Variants in NGRN observed in about 807,000 individuals in gnomAD.
The protein encoded by NGRN is neugrin, neurite outgrowth associated.
Under a neutral mutation model 13.1 loss-of-function variants are expected in NGRN, and 12 were observed. That is an observed-to-expected ratio of 0.92 (90% CI 0.59 to 1.49). NGRN has a LOEUF of 1.49. Among genes scored for constraint, NGRN ranks in the 40% most tolerant of loss-of-function variants. The pLI is 0.00. For missense variants in NGRN, 397 were observed against 357.0 expected, an observed-to-expected ratio of 1.11 and a Z score of -0.90; for synonymous variants, 149 against 145.8, an observed-to-expected ratio of 1.02 and a Z score of -0.16.
At chr15:90,266,242 A>G in intron 1 of NGRN, 46 bp from the exon 2 acceptor site, 1 of 1,584,602 alleles carries the variant, frequency 6.3e-7, no homozygotes. Context: ...TCAAACATCC[A>G]TTCTGCTTCC....
rs1287320825 is a variant in NGRN at position 90,265,795 on chromosome 15, C to A, written c.83C>A (p.Ala28Glu). The change falls in exon 1 of 3, where the codon GCG becomes GAG. Residue 28 changes from alanine (A) to glutamate (E), a missense_variant. Physicochemically the swap from Ala to Glu is moderately radical, Grantham distance 107. Coordinates refer to ENST00000379095, the MANE Select transcript of NGRN (RefSeq NM_001033088.3). ...TGTGGGTTCGCGACCCGGGGGGTGGCGGGCCCAGGCCCTATTGGCCGGGAG... is the reference window on the plus strand; with the variant it reads ...TGTGGGTTCGCGACCCGGGGGGTGGAGGGCCCAGGCCCTATTGGCCGGGAG... ...TRCGFATRGV[A>E]GPGPIGREPD... 1.2e-6 allele frequency: 2 copies of A among 1,612,230 alleles called. No homozygotes were observed. Among genetic ancestry groups the A allele is most frequent in the East Asian group, 2.2e-5 (1 of 44,832 alleles).
chr15:90,267,453 A>G (rs1028987441), intron 2 of NGRN, among the ~76,000 whole-genome samples: 1 of 152,084 alleles, frequency 6.6e-6, no homozygotes, highest in African/African-American at 2.4e-5. Flanking sequence ...GAGGCAGTAT[A>G]TGAGGCAGTA....
chr15:90,268,255 G>A (rs1174646861), intron 2 of NGRN, among the ~76,000 whole-genome samples: 4 of 151,674 alleles, frequency 2.6e-5, no homozygotes, highest in Admixed American at 6.6e-5. Context: ...CACCCACCTC[G>A]GCCTCCCAAA....
chr15:90,265,703 T>G lies in NGRN; in HGVS notation c.-10T>G. On this transcript the variant is annotated 5_prime_UTR_variant, in exon 1 of 3. Coordinates refer to ENST00000379095, the MANE Select transcript of NGRN (RefSeq NM_001033088.3). ...TCGTAGCCGACTGCTGAAGGCTGGT[T>G]TGCGTCGACATGGCGGTTACCCTGA... 6.2e-7 allele frequency: 1 copy of G among 1,613,204 alleles called. No homozygotes were observed. Among genetic ancestry groups the G allele is most frequent in the South Asian group, 1.1e-5 (1 of 91,040 alleles).
At chr15:90,268,016 T>TG (rs891732150) in intron 2 of NGRN, among the ~76,000 whole-genome samples, 3 of 152,172 alleles carry the variant, frequency 2.0e-5, no homozygotes, top group Non-Finnish European at 4.4e-5. Flanking sequence ...TTTGTTTGTT[T>TG]TTTGTTTGAG....
At chr15:90,270,256 T>C (rs1278842901) in intron 2 of NGRN, among the ~76,000 whole-genome samples, 1 of 152,230 alleles carries the variant, frequency 6.6e-6, no homozygotes, top group Non-Finnish European at 1.5e-5. Context: ...CTTGACTTGC[T>C]GTTGCCTTGG....
intron 2 of NGRN, among the ~76,000 whole-genome samples, chr15:90,269,379 G>A (rs1275891413): frequency 1.3e-5 from 2 of 151,500 alleles, no homozygotes; most frequent in South Asian, 2.1e-4. Flanking sequence ...TGCAGAATGT[G>A]CAGGTTTGTT....
intron 2 of NGRN, among the ~76,000 whole-genome samples, chr15:90,268,134 C>T (rs1015685685): frequency 8.5e-5 from 13 of 152,244 alleles, no homozygotes; most frequent in Non-Finnish European, 1.6e-4. Context: ...TCCCAAGTAG[C>T]TGGGATTACA....
rs760958476 is a variant in NGRN at position 90,271,792 on chromosome 15, G to A, written c.*4G>A. On this transcript the variant is annotated 3_prime_UTR_variant, in exon 3 of 3. Coordinates refer to ENST00000379095, the MANE Select transcript of NGRN (RefSeq NM_001033088.3). ...GAACTTCCTGTACAGAATTTGAGTCGGGGCTTGGCTTATGGAGATGCCTCG... is the reference window on the plus strand; with the variant it reads ...GAACTTCCTGTACAGAATTTGAGTCAGGGCTTGGCTTATGGAGATGCCTCG... The A allele has an allele frequency of 1.9e-6, 3 of 1,613,064 alleles. No homozygotes were observed. Among genetic ancestry groups the A allele is most frequent in the South Asian group, 2.2e-5 (2 of 91,056 alleles).
Position 90,271,296 on chromosome 15 carries a change from C to A in NGRN, c.384C>A (p.Pro128=), listed in dbSNP as rs1210631173. The change falls in exon 3 of 3, where the codon CCC becomes CCA. Residue 128 remains proline, a synonymous_variant. Transcript: ENST00000379095. The part of the protein sequence containing the change: ...IRRVLKSKFL[P]TLEQKLKQDQ... ...GAGTTTTAAAAAGCAAGTTTTTACC[C>A]ACATTGGAGCAGAAGCTGAAGCAGG... The A allele has an allele frequency of 1.2e-6, 2 of 1,614,062 alleles. No individual in the cohort carries two copies. The highest frequency in any genetic ancestry group is 1.7e-6 in the Non-Finnish European group (2 of 1,180,032).
chr15:90,266,080 G>A, intron 1 of NGRN: 3 of 1,432,664 alleles, frequency 2.1e-6, no homozygotes, highest in South Asian at 3.1e-5. Context: ...TTCATCATCA[G>A]TTTAGAGAGT....
At chr15:90,269,189 G>GT (rs1567083100) in intron 2 of NGRN, among the ~76,000 whole-genome samples, 4 of 122,750 alleles carry the variant, frequency 3.3e-5, no homozygotes, top group African/African-American at 1.3e-4. Context: ...TTTTTTTTTG[G>GT]ATTTTTAGTA....
intron 1 of NGRN, 47 bp downstream of exon 1, chr15:90,265,923 C>A (rs745809492): frequency 2.8e-6 from 4 of 1,442,264 alleles, no homozygotes; most frequent in African/African-American, 3.0e-5. Context: ...GGCCTCGTGC[C>A]CCGGCGCTCC....
At position 90,271,800 on chromosome 15, in the gene NGRN, G is replaced by T. The variant is rs1186985519; in HGVS notation, c.*12G>T. On this transcript the variant is annotated 3_prime_UTR_variant, in exon 3 of 3. Coordinates refer to ENST00000379095, the MANE Select transcript of NGRN (RefSeq NM_001033088.3). The stretch of plus-strand genomic sequence containing the variant: ...TGTACAGAATTTGAGTCGGGGCTTG[G>T]CTTATGGAGATGCCTCGTGAAACAC... 6.2e-7 allele frequency: 1 copy of T among 1,610,852 alleles called. No individual in the cohort carries two copies. Among genetic ancestry groups the T allele is most frequent in the Admixed American group, 1.7e-5 (1 of 59,868 alleles).
intron 2 of NGRN, among the ~76,000 whole-genome samples, chr15:90,270,817 G>A (rs957966297): frequency 6.6e-6 from 1 of 152,146 alleles, no homozygotes; most frequent in Non-Finnish European, 1.5e-5. Flanking sequence ...CTACATTTGC[G>A]GTTTTTCAAG....
At chr15:90,269,562 G>C (rs1192738796) in intron 2 of NGRN, among the ~76,000 whole-genome samples, 1 of 151,828 alleles carries the variant, frequency 6.6e-6, no homozygotes, top group African/African-American at 2.4e-5. Flanking sequence ...TTATTTCATA[G>C]AGTTCTGTCC....
Position 90,265,718 on chromosome 15 carries a change from G to T in NGRN, c.6G>T (p.Ala2=), listed in dbSNP as rs777328136. 36 of 1,613,186 alleles carry T rather than the reference G, an allele frequency of 2.2e-5. No homozygotes were observed. Among genetic ancestry groups the T allele is most frequent in the Non-Finnish European group, 3.0e-5 (35 of 1,179,848 alleles). ...GAAGGCTGGTTTGCGTCGACATGGC[G>T]GTTACCCTGAGTCTCTTGCTGGGCG... The part of the protein sequence containing the change: M[A]VTLSLLLGGR... The change falls in exon 1 of 3, where the codon GCG becomes GCT. Residue 2 remains alanine, a synonymous_variant. Coordinates refer to ENST00000379095, the MANE Select transcript of NGRN (RefSeq NM_001033088.3).
At chr15:90,269,717 C>G (rs1963478470) in intron 2 of NGRN, among the ~76,000 whole-genome samples, 1 of 152,076 alleles carries the variant, frequency 6.6e-6, no homozygotes, top group East Asian at 1.9e-4. Context: ...CAACTGTGTA[C>G]CAGACATCTC....
intron 2 of NGRN, 69 bp downstream of exon 2, chr15:90,266,467 G>T: frequency 7.7e-7 from 1 of 1,302,008 alleles, no homozygotes; most frequent in East Asian, 2.5e-5. Context: ...CCCAGAAACG[G>T]GTTTGGCTTT....
Sources: allele counts gnomAD v4.1 joint callset (sites outside exome capture counted in the v4.1 genomes callset), GRCh38; gene constraint gnomAD v4.1.1; transcripts MANE v1.5; gene names NCBI Gene and HGNC (gene_info 2026-07-23, HGNC 2026-07-21).